Variants in BCAS3 observed in about 807,000 individuals in gnomAD.
BCAS3 encodes BCAS3 microtubule associated cell migration factor.
In BCAS3, 53 loss-of-function variants were observed where a neutral mutation model predicts 116.1. The ratio of observed to expected loss-of-function variants is 0.46; its 90% CI spans 0.37 to 0.57. The LOEUF is 0.57. Among genes scored for constraint, BCAS3 ranks in the 20% least tolerant of loss-of-function variants. BCAS3 has a pLI of 0.00. For missense variants in BCAS3, 917 were observed against 1,165.4 expected, an observed-to-expected ratio of 0.79 and a Z score of 3.10; for synonymous variants, 391 against 408.2, an observed-to-expected ratio of 0.96 and a Z score of 0.51.
intron 8 of BCAS3, among the ~76,000 whole-genome samples, chr17:60,872,674 A>G (rs565778187): frequency 6.6e-6 from 1 of 151,306 alleles, no homozygotes; most frequent in Admixed American, 6.6e-5. Context: ...ATATACACAC[A>G]TACACACACA....
At chr17:61,359,213 G>A (rs2058319587) in intron 22 of BCAS3, among the ~76,000 whole-genome samples, 1 of 152,164 alleles carries the variant, frequency 6.6e-6, no homozygotes, top group Non-Finnish European at 1.5e-5. Context: ...GAATCCCACT[G>A]CCCCAAAGAA....
rs961401280 is a variant in BCAS3 at position 61,368,507 on chromosome 17, T to C, written c.2593+13T>C. The C allele has an allele frequency of 1.3e-6, 2 of 1,589,566 alleles. No individual in the cohort carries two copies. Among genetic ancestry groups the C allele is most frequent in the African/African-American group, 2.7e-5 (2 of 74,572 alleles). On this transcript the variant is annotated intron_variant, in intron 23 of 23. Transcript: ENST00000407086. This position sits in a 1 kb window ranked among gnomAD's most constrained non-coding sequence, Gnocchi z 6.0. ...GGATCCGGAACAGGTAAAGGTGTCA[T>C]CAGACTTCTAGCCTGATTTGGTCAG...
chr17:60,822,999 A>G (rs2050089813), intron 7 of BCAS3, among the ~76,000 whole-genome samples: 1 of 152,148 alleles, frequency 6.6e-6, no homozygotes, highest in Admixed American at 6.5e-5. Context: ...CCCAGGAGAG[A>G]AAATAGCAGA....
At chr17:61,094,657 C>T (rs1222226337) in intron 22 of BCAS3, among the ~76,000 whole-genome samples, 2 of 152,116 alleles carry the variant, frequency 1.3e-5, no homozygotes, top group African/African-American at 4.8e-5. Flanking sequence ...CCAGCCTGAC[C>T]AACATGGTGA....
chr17:61,232,620 G>C (rs962054160), intron 22 of BCAS3, among the ~76,000 whole-genome samples: 5 of 152,002 alleles, frequency 3.3e-5, no homozygotes, highest in Non-Finnish European at 5.9e-5. Context: ...CCCATCTCTG[G>C]GTTTCATCCT....
chr17:61,360,010 CT>C (rs372435627), intron 22 of BCAS3, among the ~76,000 whole-genome samples: 35 of 140,510 alleles, frequency 2.5e-4, no homozygotes, highest in African/African-American at 4.0e-4. Context: ...CATAACTTTT[CT>C]TTTTTTTTTT....
At chr17:60,814,304 T>TGCGCGCGCAC (rs59755143) in intron 7 of BCAS3, among the ~76,000 whole-genome samples, 1 of 136,702 alleles carries the variant, frequency 7.3e-6, no homozygotes, top group African/African-American at 3.0e-5. Flanking sequence ...TGTGTGTGTG[T>TGCGCGCGCAC]GTGCGCGCGT....
chr17:60,766,821 G>T (rs1047640520), intron 6 of BCAS3, among the ~76,000 whole-genome samples: 44 of 152,220 alleles, frequency 2.9e-4, no homozygotes, highest in African/African-American at 9.9e-4. Context: ...TACAGAGGCA[G>T]GCGGGCCCTG....
At chr17:60,762,276 C>T (rs548881063) in intron 6 of BCAS3, among the ~76,000 whole-genome samples, 3 of 152,188 alleles carry the variant, frequency 2.0e-5, no homozygotes, top group East Asian at 3.9e-4. Flanking sequence ...TCTTTTCCCA[C>T]GTCTGTGTCC....
At chr17:61,187,425 A>G (rs1892875923) in intron 22 of BCAS3, among the ~76,000 whole-genome samples, 1 of 152,242 alleles carries the variant, frequency 6.6e-6, no homozygotes, top group African/African-American at 2.4e-5. Flanking sequence ...ACTGATGACC[A>G]ACAGAGTTAC....
intron 7 of BCAS3, among the ~76,000 whole-genome samples, chr17:60,820,210 G>A (rs1189789294): frequency 1.3e-5 from 2 of 152,076 alleles, no homozygotes; most frequent in African/African-American, 4.8e-5. Flanking sequence ...TGGGACTACA[G>A]GCACCCGCCA....
At position 61,249,542 on chromosome 17, in the gene BCAS3, G is replaced by A. The variant is rs1017312919; in HGVS notation, c.2426-118785G>A. Reference sequence around the variant, plus strand: ...CTCAACAGCAGAGATGGACTCTAGTGTCCCAACATAGAATTGTGTCTCTGG... The same window carrying A: ...CTCAACAGCAGAGATGGACTCTAGTATCCCAACATAGAATTGTGTCTCTGG... On this transcript the variant is annotated intron_variant, in intron 22 of 23. Coordinates refer to ENST00000407086, the MANE Select transcript of BCAS3 (RefSeq NM_017679.5). The surrounding 1 kb of genome is among the most constrained non-coding windows in gnomAD (Gnocchi z 6.2). 1.3e-5 allele frequency among the ~76,000 whole-genome samples: 2 copies of A among 152,164 alleles called. No homozygotes were observed. Among genetic ancestry groups the A allele is most frequent in the Non-Finnish European group, 2.9e-5 (2 of 68,032 alleles).
intron 22 of BCAS3, among the ~76,000 whole-genome samples, chr17:61,342,040 TC>T (rs2143244299): frequency 6.6e-6 from 1 of 152,296 alleles, no homozygotes; most frequent in Non-Finnish European, 1.5e-5. Flanking sequence ...TCTCAGTCTT[TC>T]GCCCAGGCTG....
chr17:61,146,117 T>TG (rs1375300211), intron 22 of BCAS3, among the ~76,000 whole-genome samples: 1 of 151,030 alleles, frequency 6.6e-6, no homozygotes, highest in Non-Finnish European at 1.5e-5. Flanking sequence ...TTTTTTGTTT[T>TG]TTTTTTTTTG....
intron 22 of BCAS3, among the ~76,000 whole-genome samples, chr17:61,310,326 C>T (rs1351440210): frequency 6.6e-6 from 1 of 152,020 alleles, no homozygotes; most frequent in Non-Finnish European, 1.5e-5. Flanking sequence ...GGCCACAGCA[C>T]GTGGATCACC....
Position 61,114,776 on chromosome 17 carries a change from C to T in BCAS3, c.2425+30212C>T, listed in dbSNP as rs1401168905. Among the ~76,000 whole-genome samples, 5 of 149,392 alleles carry T rather than the reference C, an allele frequency of 3.3e-5. No individual in the cohort carries two copies. In the East Asian group the frequency reaches 5.9e-4, roughly 18 times the overall value. On this transcript the variant is annotated intron_variant, in intron 22 of 23. Transcript: ENST00000407086. ...TATGGAACCAAAAAAGAGCCCGCAT[C>T]GCCAAGGCAATCCTAAGCCAAAAGA...
In BCAS3 at chr17:61,228,643, C is replaced by T. The variant is rs530706103; in HGVS notation, c.2426-139684C>T. 1.2e-4 allele frequency among the ~76,000 whole-genome samples: 18 copies of T among 152,230 alleles called. No homozygotes were observed. Among genetic ancestry groups the T allele is most frequent in the East Asian group, 1.9e-4 (1 of 5,162 alleles). On this transcript the variant is annotated intron_variant, in intron 22 of 23. Coordinates refer to ENST00000407086, the MANE Select transcript of BCAS3 (RefSeq NM_017679.5). This position sits in a 1 kb window ranked among gnomAD's most constrained non-coding sequence, Gnocchi z 5.0. ...TGATCTTTGACGTTACTATTGTAAT[C>T]GTTTGGGGGCACCCTCAAGCTATGC...
At chr17:61,045,059 CA>C (rs2067919124) in intron 19 of BCAS3, among the ~76,000 whole-genome samples, 1 of 152,016 alleles carries the variant, frequency 6.6e-6, no homozygotes, top group African/African-American at 2.4e-5. Flanking sequence ...CTGTGCCCAG[CA>C]TAAAGTCCTT....
At chr17:61,027,263 A>G (rs2066319086) in intron 16 of BCAS3, 2 of 439,638 alleles carry the variant, frequency 4.5e-6, no homozygotes, top group Non-Finnish European at 8.4e-6. Context: ...TATCATGCAT[A>G]GCATTTGAGG....
Sources: gnomAD v4.1 joint callset for allele counts (sites outside exome capture counted in the v4.1 genomes callset) on GRCh38, gnomAD v4.1.1 for gene constraint, Gnocchi (gnomAD v3.1) non-coding constraint, MANE v1.5 for transcripts, NCBI Gene and HGNC (gene_info 2026-07-23, HGNC 2026-07-21) for gene names.